RALYL: variants seen among roughly 807,000 people sequenced by gnomAD.
RALYL encodes the protein RNA-binding Raly-like protein.
Under a neutral mutation model 35.1 loss-of-function variants are expected in RALYL, and 29 were observed. The observed-to-expected ratio is 0.83, with a 90% CI of 0.61 to 1.13. RALYL has a LOEUF of 1.13. Ranked by LOEUF, RALYL falls within the 50% of genes most tolerant of loss-of-function variation. The pLI is 0.00. For missense variants in RALYL, 359 were observed against 360.4 expected (o/e 1.00, Z 0.03); for synonymous variants, 120 against 127.6 (o/e 0.94, Z 0.40).
intron 2 of RALYL, among the ~76,000 whole-genome samples, chr8:84,731,278 A>G: frequency 2.0e-5 from 3 of 152,120 alleles, no homozygotes; most frequent in Middle Eastern, 3.4e-3. Context: ...ACTCATGTTC[A>G]TTTGGCCCTC....
chr8:84,264,942 A>C (rs971063911), intron 1 of RALYL, among the ~76,000 whole-genome samples: 2 of 152,198 alleles, frequency 1.3e-5, no homozygotes, highest in Non-Finnish European at 2.9e-5. Flanking sequence ...AGCTAATATG[A>C]TCTCAAGTTG....
chr8:84,198,069 A>G (rs1293905582), intron 1 of RALYL, among the ~76,000 whole-genome samples: 2 of 152,168 alleles, frequency 1.3e-5, no homozygotes, highest in Admixed American at 1.3e-4. Flanking sequence ...TTCAATATCT[A>G]TGTACACACT....
In RALYL at chr8:84,367,819, A is replaced by C. The variant is rs531733598; in HGVS notation, c.-23-161480A>C. ...TATAGGTAAGATATCCTAGCAAATA[A>C]GTAATATTAAAAGGCCTCAAATCAC... On this transcript the variant is annotated intron_variant, in intron 1 of 8. Transcript: ENST00000521268. Among the ~76,000 whole-genome samples, 162 of 152,300 alleles carry C rather than the reference A, an allele frequency of 1.1e-3. 5 individuals are homozygous for C. In the South Asian group the frequency reaches 0.033, roughly 31 times the overall value.
chr8:84,832,570 G>T (rs1024144332), intron 4 of RALYL, among the ~76,000 whole-genome samples: 3 of 152,214 alleles, frequency 2.0e-5, no homozygotes, highest in South Asian at 2.1e-4. Context: ...TGGTTGGGGA[G>T]AGTCAAAGAA....
intron 4 of RALYL, among the ~76,000 whole-genome samples, chr8:84,833,641 C>CAAA (rs548355814): frequency 4.5e-4 from 32 of 70,528 alleles, no homozygotes; most frequent in African/African-American, 9.4e-4. Context: ...GACTTCGTCT[C>CAAA]AAAAAAAAAA....
At chr8:84,860,323 G>A (rs917704196) in intron 5 of RALYL, among the ~76,000 whole-genome samples, 3 of 152,100 alleles carry the variant, frequency 2.0e-5, no homozygotes, top group Admixed American at 1.3e-4. Flanking sequence ...GTGTCCTAGG[G>A]AAATGGTCCT....
intron 3 of RALYL, among the ~76,000 whole-genome samples, chr8:84,794,190 G>A (rs966447046): frequency 6.6e-6 from 1 of 152,172 alleles, no homozygotes; most frequent in Non-Finnish European, 1.5e-5. Context: ...ATGTCATTTA[G>A]CACCATTTAC....
intron 2 of RALYL, among the ~76,000 whole-genome samples, chr8:84,702,539 T>TCACACA (rs10678224): frequency 5.6e-4 from 76 of 136,530 alleles, no homozygotes; most frequent in African/African-American, 1.3e-3. Flanking sequence ...TCTCTCTCTC[T>TCACACA]CACACACACA....
chr8:84,292,628 C>T (rs1838980231), intron 1 of RALYL, among the ~76,000 whole-genome samples: 1 of 152,132 alleles, frequency 6.6e-6, no homozygotes, highest in Non-Finnish European at 1.5e-5. Flanking sequence ...CCCACCAAAA[C>T]CAAACTGGCG....
At chr8:84,744,637 C>T (rs1208472161) in intron 2 of RALYL, among the ~76,000 whole-genome samples, 1 of 151,938 alleles carries the variant, frequency 6.6e-6, no homozygotes, top group African/African-American at 2.4e-5. Flanking sequence ...TGAAAATTGC[C>T]TATCTAAACT....
In RALYL at chr8:84,571,377, T is replaced by C. The variant is rs80198083; in HGVS notation, c.256+41800T>C. On this transcript the variant is annotated intron_variant, in intron 2 of 8. Coordinates refer to ENST00000521268, the MANE Select transcript of RALYL (RefSeq NM_173848.7). Reference sequence around the variant, plus strand: ...AGTTTTTAGAAATTTATCCATTTCCTTTAGGTTTTCTAGTTTTTGCAAATA... The same window carrying C: ...AGTTTTTAGAAATTTATCCATTTCCCTTAGGTTTTCTAGTTTTTGCAAATA... Among the ~76,000 whole-genome samples, 542 of 152,010 alleles carry C rather than the reference T, an allele frequency of 3.6e-3. 1 individual carries two copies. Among genetic ancestry groups the C allele is most frequent in the African/African-American group, 0.012 (510 of 41,536 alleles).
intron 2 of RALYL, among the ~76,000 whole-genome samples, chr8:84,613,777 C>T (rs1818838195): frequency 6.6e-6 from 1 of 150,990 alleles, no homozygotes; most frequent in Non-Finnish European, 1.5e-5. Context: ...TTTTTAGTCT[C>T]TCAAATATTT....
chr8:84,641,791 A>G (rs889469908), intron 2 of RALYL, among the ~76,000 whole-genome samples: 5 of 149,598 alleles, frequency 3.3e-5, no homozygotes, highest in Non-Finnish European at 7.4e-5. Context: ...TTATTTGTAA[A>G]AAAAAAAAAA....
chr8:84,644,408 A>G (rs937531993), intron 2 of RALYL, among the ~76,000 whole-genome samples: 2 of 152,072 alleles, frequency 1.3e-5, no homozygotes, highest in Non-Finnish European at 2.9e-5. Flanking sequence ...AAAATGGATA[A>G]AATTCCTATC....
intron 2 of RALYL, among the ~76,000 whole-genome samples, chr8:84,653,120 T>A (rs1302222880): frequency 6.6e-6 from 1 of 152,020 alleles, no homozygotes; most frequent in Non-Finnish European, 1.5e-5. Context: ...AGTATAATAT[T>A]AGAAATTTAT....
At chr8:84,798,910 C>T (rs1563628569) in intron 3 of RALYL, among the ~76,000 whole-genome samples, 1 of 152,134 alleles carries the variant, frequency 6.6e-6, no homozygotes, top group Admixed American at 6.5e-5. Flanking sequence ...GCAATTTGCT[C>T]AGCTTGGCTG....
At chr8:84,551,072 C>G (rs1001225968) in intron 2 of RALYL, among the ~76,000 whole-genome samples, 2 of 151,604 alleles carry the variant, frequency 1.3e-5, no homozygotes, top group Non-Finnish European at 3.0e-5. Flanking sequence ...AGGTTTTTTT[C>G]TATTTTTCCA....
At chr8:84,304,205 C>G (rs1283211041) in intron 1 of RALYL, among the ~76,000 whole-genome samples, 1 of 152,098 alleles carries the variant, frequency 6.6e-6, no homozygotes, top group Non-Finnish European at 1.5e-5. Flanking sequence ...GCGACCTCCA[C>G]CTCCCGGGTT....
intron 1 of RALYL, among the ~76,000 whole-genome samples, chr8:84,196,328 C>T (rs1323401782): frequency 1.3e-5 from 2 of 152,086 alleles, no homozygotes; most frequent in Non-Finnish European, 1.5e-5. Flanking sequence ...CAACAATAGC[C>T]ATGAACAAGC....
Sources: gnomAD v4.1 joint callset for allele counts (sites outside exome capture counted in the v4.1 genomes callset) on GRCh38, gnomAD v4.1.1 for gene constraint, MANE v1.5 for transcripts, NCBI Gene and HGNC (gene_info 2026-07-23, HGNC 2026-07-21) for gene names.